The following GPC5 variants were observed in gnomAD, a reference collection of about 807,000 sequenced individuals.
GPC5 encodes the protein glypican-5.
A neutral mutation model predicts 53.9 loss-of-function variants in GPC5; 47 were observed. The ratio of observed to expected loss-of-function variants is 0.87; its 90% confidence interval spans 0.69 to 1.11. GPC5 has a LOEUF of 1.11. Ranked by LOEUF, GPC5 falls within the 50% of genes most tolerant of loss-of-function variation. The pLI is 0.00. For synonymous variants in GPC5, 286 were observed against 263.3 expected, an observed-to-expected ratio of 1.09 and a Z score of -0.84; for missense variants, 748 against 713.1, an observed-to-expected ratio of 1.05 and a Z score of -0.56.
chr13:92,059,230 T>C (rs2041101501), intron 6 of GPC5, among the ~76,000 whole-genome samples: 1 of 151,310 alleles, frequency 6.6e-6, no homozygotes. Context: ...CCACAAATAG[T>C]CTCAACAATG....
chr13:92,167,557 G>A (rs1019019041), intron 7 of GPC5, among the ~76,000 whole-genome samples: 1 of 152,128 alleles, frequency 6.6e-6, no homozygotes, highest in African/African-American at 2.4e-5. Context: ...TTTCTCTTTT[G>A]AGTAAAATAA....
chr13:91,399,164 C>T lies in GPC5; in HGVS notation c.118C>T (p.Arg40Trp). The change falls in exon 1 of 8, where the codon CGG becomes TGG. Residue 40 changes from arginine to tryptophan, a missense_variant. Coordinates refer to ENST00000377067, the MANE Select transcript of GPC5 (RefSeq NM_004466.6). ...CEEVRKLFQW[R>W]LLGAVRGLPD... Reference sequence around the variant, plus strand: ...AGAAGTTCGGAAACTTTTCCAGTGGCGGCTGCTGGGAGCTGTCAGGGGGCT... The same window carrying T: ...AGAAGTTCGGAAACTTTTCCAGTGGTGGCTGCTGGGAGCTGTCAGGGGGCT... 6.2e-7 allele frequency: 1 copy of T among 1,612,924 alleles called. No individual in the cohort carries two copies. The highest frequency in any genetic ancestry group is 8.5e-7 in the Non-Finnish European group (1 of 1,179,714).
chr13:92,348,938 C>A (rs773688855), intron 7 of GPC5, among the ~76,000 whole-genome samples: 29 of 151,804 alleles, frequency 1.9e-4, no homozygotes, highest in Admixed American at 8.5e-4. Context: ...CTAAGAGGAA[C>A]GTTTATAACA....
At chr13:91,667,137 T>C (rs1053861757) in intron 2 of GPC5, among the ~76,000 whole-genome samples, 1 of 152,226 alleles carries the variant, frequency 6.6e-6, no homozygotes, top group Admixed American at 6.5e-5. Context: ...AACTGTCTTT[T>C]TGCATTTATG....
chr13:91,942,554 A>G (rs1485395476), intron 6 of GPC5, among the ~76,000 whole-genome samples: 1 of 151,936 alleles, frequency 6.6e-6, no homozygotes, highest in African/African-American at 2.4e-5. Flanking sequence ...ATCAATAAAA[A>G]CTCAGCTCAT....
chr13:92,287,888 A>G (rs1051732532), intron 7 of GPC5, among the ~76,000 whole-genome samples: 1 of 151,854 alleles, frequency 6.6e-6, no homozygotes, highest in Non-Finnish European at 1.5e-5. Flanking sequence ...GTCCCATAAT[A>G]CATACACTGG....
At chr13:92,479,974 GA>G (rs1156690233) in intron 7 of GPC5, among the ~76,000 whole-genome samples, 1 of 152,120 alleles carries the variant, frequency 6.6e-6, no homozygotes, top group African/African-American at 2.4e-5. Context: ...ACAGCAGGAT[GA>G]AGGATAATCA....
intron 5 of GPC5, among the ~76,000 whole-genome samples, chr13:91,837,259 A>G (rs2038731720): frequency 6.6e-6 from 1 of 151,960 alleles, no homozygotes; most frequent in Admixed American, 6.6e-5. Flanking sequence ...TCTGTTTTCA[A>G]AGGACCAAAA....
chr13:91,533,756 A>G (rs1035739960), intron 2 of GPC5, among the ~76,000 whole-genome samples: 2 of 152,160 alleles, frequency 1.3e-5, no homozygotes, highest in East Asian at 1.9e-4. Context: ...ACACCTTCTC[A>G]GTCTACTAGA....
intron 7 of GPC5, among the ~76,000 whole-genome samples, chr13:92,552,874 T>C (rs1882365897): frequency 6.6e-6 from 1 of 152,008 alleles, no homozygotes; most frequent in African/African-American, 2.4e-5. Context: ...CTATGTCTTC[T>C]TCAAAGGGTT....
At chr13:91,433,819 A>G (rs1214777748) in intron 1 of GPC5, among the ~76,000 whole-genome samples, 5 of 152,156 alleles carry the variant, frequency 3.3e-5, no homozygotes, top group Admixed American at 6.5e-5. Flanking sequence ...TCCCACCAAC[A>G]GTGTAAAAGT....
At chr13:91,638,538 A>G (rs1438783166) in intron 2 of GPC5, among the ~76,000 whole-genome samples, 1 of 151,630 alleles carries the variant, frequency 6.6e-6, no homozygotes. Context: ...GCTAATTTTC[A>G]TATTTTTAAT....
At chr13:92,444,335 GAAAAGTTATTTATCTAAT>G (rs1363182244) in intron 7 of GPC5, among the ~76,000 whole-genome samples, 3 of 152,134 alleles carry the variant, frequency 2.0e-5, no homozygotes, top group Non-Finnish European at 4.4e-5. Flanking sequence ...AAGAAAAAGG[GAAAAGTTATTTATCTAAT>G]AAATATTTAT....
chr13:92,480,594 A>G (rs1339209178), intron 7 of GPC5, among the ~76,000 whole-genome samples: 1 of 152,128 alleles, frequency 6.6e-6, no homozygotes, highest in Non-Finnish European at 1.5e-5. Flanking sequence ...TTTCTCTCAC[A>G]TTTCTAGTCT....
intron 7 of GPC5, among the ~76,000 whole-genome samples, chr13:92,636,806 A>T (rs1885419098): frequency 6.6e-6 from 1 of 152,134 alleles, no homozygotes; most frequent in Non-Finnish European, 1.5e-5. Context: ...CTGATTATAT[A>T]TTCTCCCTTG....
chr13:92,760,998 T>C (rs1875145901), intron 7 of GPC5, among the ~76,000 whole-genome samples: 2 of 152,190 alleles, frequency 1.3e-5, no homozygotes, highest in Non-Finnish European at 2.9e-5. Flanking sequence ...TTTCATACCA[T>C]TGTGGTCAGA....
chr13:92,370,185 T>C (rs986850298), intron 7 of GPC5, among the ~76,000 whole-genome samples: 1 of 152,216 alleles, frequency 6.6e-6, no homozygotes, highest in Non-Finnish European at 1.5e-5. Flanking sequence ...TTCATGGACA[T>C]TTATTTAGGA....
chr13:91,793,998 T>TA (rs879922918), intron 5 of GPC5, among the ~76,000 whole-genome samples: 1 of 152,186 alleles, frequency 6.6e-6, no homozygotes, highest in Non-Finnish European at 1.5e-5. Flanking sequence ...GACTTTATGC[T>TA]AAAATCTTTG....
intron 7 of GPC5, among the ~76,000 whole-genome samples, chr13:92,302,996 C>T (rs16947292): frequency 0.056 from 8,593 of 152,218 alleles, 268 homozygotes; most frequent in East Asian, 0.097. Flanking sequence ...TCCAAAATTA[C>T]TTTATCACTT....
Sources: gnomAD v4.1 joint callset for allele counts (sites outside exome capture counted in the v4.1 genomes callset) on GRCh38, gnomAD v4.1.1 for gene constraint, MANE v1.5 for transcripts, NCBI Gene and HGNC (gene_info 2026-07-23, HGNC 2026-07-21) for gene names.